KIAA1217: variants seen among roughly 807,000 people sequenced by gnomAD.
KIAA1217 encodes the protein KIAA1217.
KIAA1217 carries 88 observed loss-of-function variants against 163.9 expected under a neutral mutation model. The ratio of observed to expected loss-of-function variants is 0.54; its 90% CI spans 0.45 to 0.64. The LOEUF is 0.64. KIAA1217 is among the 30% of genes least tolerant of loss of function. The pLI, the probability that KIAA1217 is intolerant of heterozygous loss-of-function variation, is 0.00. For missense variants in KIAA1217, 2,372 were observed against 2,475.0 expected (o/e 0.96, Z 0.88); for synonymous variants, 903 against 923.1 (o/e 0.98, Z 0.39).
Position 24,177,258 on chromosome 10 carries a change from CATATATATAT to C in KIAA1217, c.-170-42337_-170-42328del, listed in dbSNP as rs1210930891. The stretch of plus-strand genomic sequence containing the variant: ...CTAGCACGTTTTCACCTCTCACCAT[CATATATATAT>C]ATATATATATATATATATATATATA... On this transcript the variant is annotated intron_variant, in intron 2 of 18. Coordinates refer to the KIAA1217 transcript ENST00000376462. 5.4e-3 allele frequency among the ~76,000 whole-genome samples: 137 copies of C among 25,152 alleles called. 5 individuals carry two copies. Among genetic ancestry groups the C allele is most frequent in the African/African-American group, 0.022 (120 of 5,572 alleles). 16.5% of individuals were successfully genotyped at this position (25,152 alleles called of 152,430 possible).
chr10:24,046,516 G>A (rs758178853), intron 2 of KIAA1217, among the ~76,000 whole-genome samples: 22 of 152,118 alleles, frequency 1.4e-4, no homozygotes, highest in Non-Finnish European at 3.1e-4. Flanking sequence ...CAGTCATGGC[G>A]GAAGACGAAG....
intron 1 of KIAA1217, among the ~76,000 whole-genome samples, chr10:23,950,533 G>A (rs1844291809): frequency 6.6e-6 from 1 of 152,004 alleles, no homozygotes; most frequent in Non-Finnish European, 1.5e-5. Context: ...ATTGGGCCGG[G>A]CCTGCTCTAG....
intron 1 of KIAA1217, among the ~76,000 whole-genome samples, chr10:23,762,116 C>T (rs1193495266): frequency 1.3e-5 from 2 of 151,958 alleles, no homozygotes; most frequent in African/African-American, 4.8e-5. Context: ...TAATTAATAG[C>T]CTACCAACAA....
intron 1 of KIAA1217, among the ~76,000 whole-genome samples, chr10:23,973,957 A>G (rs1845430734): frequency 6.6e-6 from 1 of 152,234 alleles, no homozygotes; most frequent in Non-Finnish European, 1.5e-5. Context: ...ATAGCCCCCA[A>G]ATACATGAAC....
intron 2 of KIAA1217, among the ~76,000 whole-genome samples, chr10:24,298,047 A>T (rs1000072184): frequency 6.6e-6 from 1 of 152,298 alleles, no homozygotes; most frequent in African/African-American, 2.4e-5. Context: ...AATAGACTCT[A>T]AAAATATTTT....
intron 2 of KIAA1217, among the ~76,000 whole-genome samples, chr10:24,066,788 C>T (rs1398548810): frequency 7.2e-5 from 11 of 152,270 alleles, no homozygotes; most frequent in East Asian, 3.9e-4. Context: ...ACCAATTAGA[C>T]GTAGATTTCG....
In KIAA1217 at chr10:24,546,292, G is replaced by A. The variant is rs200494078; in HGVS notation, c.5800G>A (p.Ala1934Thr). 6.2e-7 allele frequency: 1 copy of A among 1,610,666 alleles called. No homozygotes were observed. Among genetic ancestry groups the A allele is most frequent in the Non-Finnish European group, 8.5e-7 (1 of 1,178,032 alleles). Residue 1934 changes from alanine (A) to threonine (T), a missense_variant, in exon 21 of 21, where the codon GCC (alanine) becomes ACC (threonine). Ala to Thr is a moderately conservative substitution (Grantham distance 58). Transcript: ENST00000376454. ...GGCACAGAATGGAAGTTCAAGCAAA[G>A]CCACCCCATCCACAGCAAAAGAAAC... ...YKAQNGSSSK[A>T]TPSTAKETS
At chr10:24,025,257 G>C (rs957029517) in intron 2 of KIAA1217, among the ~76,000 whole-genome samples, 1 of 151,664 alleles carries the variant, frequency 6.6e-6, no homozygotes, top group Non-Finnish European at 1.5e-5. Flanking sequence ...ATTCTAGTGT[G>C]ATTTATTTTA....
chr10:24,122,282 A>C (rs548643366), intron 2 of KIAA1217, among the ~76,000 whole-genome samples: 1 of 152,188 alleles, frequency 6.6e-6, no homozygotes, highest in East Asian at 1.9e-4. Context: ...TTCACTTAGG[A>C]TAATGGCCTC....
At chr10:23,698,790 T>G (rs1836214722) in intron 1 of KIAA1217, among the ~76,000 whole-genome samples, 2 of 152,168 alleles carry the variant, frequency 1.3e-5, no homozygotes, top group African/African-American at 4.8e-5. Context: ...TATCCTATTT[T>G]TTTTTCCTTT....
At chr10:24,490,916 AG>A (rs1196866929) in intron 6 of KIAA1217, among the ~76,000 whole-genome samples, 1 of 152,236 alleles carries the variant, frequency 6.6e-6, no homozygotes, top group African/African-American at 2.4e-5. Context: ...AGATACAAAA[AG>A]GCAAGCCAAG....
intron 2 of KIAA1217, among the ~76,000 whole-genome samples, chr10:24,141,225 A>AACCCCC (rs796365302): frequency 1.3e-4 from 10 of 76,248 alleles, no homozygotes; most frequent in Non-Finnish European, 2.1e-4. Flanking sequence ...GAAAGAATAA[A>AACCCCC]CCCCCCCCCC....
chr10:24,520,139 G>C lies in KIAA1217; in HGVS notation c.2194G>C (p.Val732Leu), dbSNP rs2070867989. The part of the protein sequence containing the change: ...VKKLCELEDF[V>L]EDLKKDSTAA... ...CTCCCGCAGCGAGTTGGAAGACTTT[G>C]TTGAAGACTTGAAGAAGGACTCCAC... The change falls in exon 11 of 21, where the codon GTT (valine) becomes CTT (leucine). Residue 732 changes from valine (V) to leucine (L), a missense_variant. Around this residue, in one of 3 missense-constraint regions of KIAA1217, gnomAD observed 1,431 missense variants for 1,470.3 expected, o/e 0.97. Coordinates refer to ENST00000376454, the MANE Select transcript of KIAA1217 (RefSeq NM_019590.5). The C allele has an allele frequency of 6.2e-7, 1 of 1,613,952 alleles. No individual in the cohort carries two copies. Among genetic ancestry groups the C allele is most frequent in the African/African-American group, 1.3e-5 (1 of 74,928 alleles).
Position 24,499,277 on chromosome 10 carries a change from T to C in KIAA1217, c.1835-2102T>C, listed in dbSNP as rs117448482. On this transcript the variant is annotated intron_variant, in intron 8 of 20. Transcript: ENST00000376454. ...AGCTGTCATTGGAAATGTTATCAGA[T>C]ATGTTTTACTTGGTACTTTCATAGT... Among the ~76,000 whole-genome samples the C allele has an allele frequency of 6.3e-4, 96 of 152,372 alleles. 1 individual carries two copies. The East Asian group carries it at 0.013, about 21-fold the overall frequency.
intron 2 of KIAA1217, among the ~76,000 whole-genome samples, chr10:24,372,001 T>G (rs971054111): frequency 1.3e-5 from 2 of 152,084 alleles, no homozygotes; most frequent in African/African-American, 4.8e-5. Context: ...AGCTAAACAT[T>G]GGGTACACAT....
At chr10:23,704,172 G>GTGTGTGTGTATATATATATATA (rs1229370789) in intron 1 of KIAA1217, among the ~76,000 whole-genome samples, 19 of 39,944 alleles carry the variant, frequency 4.8e-4, no homozygotes, top group East Asian at 1.5e-3. Flanking sequence ...GTGTGTGTGT[G>GTGTGTGTGTATATATATATATA]TATATATATA....
intron 8 of KIAA1217, among the ~76,000 whole-genome samples, chr10:24,500,397 C>CGTGT (rs10667719): frequency 0.23 from 29,433 of 125,576 alleles, 3,308 homozygotes; most frequent in African/African-American, 0.31. Context: ...AGAGTGTGTG[C>CGTGT]GTGTGTGTGT....
Position 24,184,284 on chromosome 10 carries a change from A to G in KIAA1217, c.-170-35342A>G, listed in dbSNP as rs537812327. ...GTGGAATCACTGGATAATAAATGGG[A>G]GGGGTTTTAAATTTCATCAGAGTAA... On this transcript the variant is annotated intron_variant, in intron 2 of 18. Transcript: ENST00000376462. 2.6e-5 allele frequency among the ~76,000 whole-genome samples: 4 copies of G among 152,260 alleles called. No homozygotes were observed. In the South Asian group the frequency reaches 8.3e-4, roughly 32 times the overall value.
chr10:24,352,040 T>C (rs1237291955), intron 2 of KIAA1217, among the ~76,000 whole-genome samples: 2 of 152,270 alleles, frequency 1.3e-5, no homozygotes, highest in Non-Finnish European at 2.9e-5. Context: ...ATCACTTTTC[T>C]GGCTGGGCTG....
Sources: gnomAD v4.1 joint callset for allele counts (sites outside exome capture counted in the v4.1 genomes callset) on GRCh38, gnomAD v4.1.1 for gene constraint, gnomAD v4.1.1 regional missense constraint, MANE v1.5 for transcripts, NCBI Gene and HGNC (gene_info 2026-07-23, HGNC 2026-07-21) for gene names.